The following APOB variants were observed in gnomAD, a reference collection of about 807,000 sequenced individuals.
APOB encodes apolipoprotein B-100.
APOB carries 153 observed loss-of-function variants against 314.1 expected under a neutral mutation model. The observed-to-expected ratio is 0.49, with a 90% CI of 0.43 to 0.56. APOB has a LOEUF of 0.56. Among genes scored for constraint, APOB ranks in the 20% least tolerant of loss-of-function variants. The pLI is 0.00. For synonymous variants in APOB, 2,087 were observed against 2,036.4 expected, an observed-to-expected ratio of 1.02 and a Z score of -0.67; for missense variants, 5,430 against 5,350.7, an observed-to-expected ratio of 1.01 and a Z score of -0.46.
At chr2:21,033,191 C>A in intron 9 of APOB, 108 bp downstream of exon 9, 2 of 825,552 alleles carry the variant, frequency 2.4e-6, no homozygotes, top group Non-Finnish European at 4.1e-6. Context: ...AATTGATTAA[C>A]TGGATTGATA....
rs759890704 is a variant in APOB at position 21,037,171 on chromosome 2, C to G, written c.622G>C (p.Asp208His). ...TTGAAGCGATCACACTGCCCCAGGT[C>G]TCTTTCAGTGGATATTTCTGTTGCC... ...NVATEISTER[D>H]LGQCDRFKPI... The change falls in exon 6 of 29, where the codon GAC (aspartate) becomes CAC (histidine). Residue 208 changes from aspartate to histidine, a missense_variant. By Grantham distance (81) the Asp-to-His change is moderately conservative (BLOSUM62 -1). Around this residue, in one of 3 missense-constraint regions of APOB, gnomAD observed 2,085 missense variants for 2,079.7 expected, o/e 1.00. Transcript: ENST00000233242. 2 of 1,614,242 alleles carry G rather than the reference C, an allele frequency of 1.2e-6. No individual in the cohort carries two copies. Among genetic ancestry groups the G allele is most frequent in the Non-Finnish European group, 1.7e-6 (2 of 1,180,042 alleles).
rs759757854 is a variant in APOB, at chr2:21,007,829, C to T, written c.9039G>A (p.Gly3013=). 6.2e-7 allele frequency: 1 copy of T among 1,614,084 alleles called. No homozygotes were observed. Among genetic ancestry groups the T allele is most frequent in the South Asian group, 1.1e-5 (1 of 91,080 alleles). Residue 3013 remains glycine (G), a synonymous_variant, in exon 26 of 29, where the codon GGG becomes GGA. Transcript: ENST00000233242. ...TAKGMALFGE[G]KAEFTGRHDA... ...CATGCCTCCCAGTAAACTCTGCCTT[C>T]CCTTCTCCAAACAGTGCCATGCCTT...
Position 21,008,505 on chromosome 2 carries a change from C to T in APOB, c.8363G>A (p.Gly2788Asp), listed in dbSNP as rs534116066. ...TTTGGCAGTGATGGAAGCTGCGATA[C>T]CTGCTTCGTTTGCTGAGGTGGTTCC... ...GNGTTSANEA[G>D]IAASITAKGE... Residue 2788 changes from glycine (G) to aspartate (D), a missense_variant, in exon 26 of 29, where the codon GGT becomes GAT. Gly to Asp is a moderately conservative substitution (Grantham distance 94). Transcript: ENST00000233242. 1.9e-6 allele frequency: 3 copies of T among 1,613,948 alleles called. No individual in the cohort carries two copies. The highest frequency in any genetic ancestry group is 2.5e-6 in the Non-Finnish European group (3 of 1,179,974).
In APOB at chr2:21,011,876, G is replaced by C; in HGVS notation, c.4992C>G (p.Leu1664=). ...CATTCAGCTCATTCTCCAGCACCAG[G>C]AGACTACACTTCAAGTTGGTCGTTG... The part of the protein sequence containing the change: ...TSATTNLKCS[L]LVLENELNAE... The change falls in exon 26 of 29, where the codon CTC becomes CTG. Residue 1664 remains leucine (L), a synonymous_variant. Transcript: ENST00000233242. 6.2e-7 allele frequency: 1 copy of C among 1,613,688 alleles called. No homozygotes were observed. The highest frequency in any genetic ancestry group is 8.5e-7 in the Non-Finnish European group (1 of 1,179,946).
rs779298957 is a variant in APOB at position 21,014,530 on chromosome 2, G to C, written c.3760C>G (p.His1254Asp). 2 of 1,614,032 alleles carry C rather than the reference G, an allele frequency of 1.2e-6. No homozygotes were observed. Among genetic ancestry groups the C allele is most frequent in the Non-Finnish European group, 1.7e-6 (2 of 1,179,986 alleles). Residue 1254 changes from histidine to aspartate, a missense_variant, in exon 24 of 29, where the codon CAC becomes GAC. By Grantham distance (81) the His-to-Asp change is moderately conservative (BLOSUM62 -1). This residue lies in a region of APOB where 2,085 missense variants were observed against 2,079.7 expected (regional missense o/e 1.00). Transcript: ENST00000233242. Reference protein sequence around the residue: ...SLPYTQTLQDHLNSLKEFNLQ... With the variant: ...SLPYTQTLQDDLNSLKEFNLQ... ...TTGAACTCCTTCAGGCTATTGAGGT[G>C]GTCTTGCAAAGTCTGGGTATAAGGA...
intron 10 of APOB, 29 bp downstream of exon 10, chr2:21,032,325 A>T: frequency 6.3e-7 from 1 of 1,592,178 alleles, no homozygotes; most frequent in Non-Finnish European, 8.6e-7. Context: ...CTCTGCTCCT[A>T]GGAGGAGAAA....
Position 21,012,667 on chromosome 2 carries a change from A to G in APOB, c.4217-16T>C. The G allele has an allele frequency of 6.2e-7, 1 of 1,607,634 alleles. No homozygotes were observed. Among genetic ancestry groups the G allele is most frequent in the Non-Finnish European group, 8.5e-7 (1 of 1,179,044 alleles). ...TCTCCAGATCCTAACATAAAAATGA[A>G]AAGACATTGGTTAAATTAAGCAGTA... On this transcript the variant is annotated splice_polypyrimidine_tract_variant and intron_variant, in intron 25 of 28. Coordinates refer to ENST00000233242, the MANE Select transcript of APOB (RefSeq NM_000384.3).
chr2:21,036,309 G>A (rs992293606), intron 6 of APOB, among the ~76,000 whole-genome samples: 1 of 152,176 alleles, frequency 6.6e-6, no homozygotes, highest in Non-Finnish European at 1.5e-5. Context: ...GCAAACAGCA[G>A]ATGCTCAGAA....
chr2:21,020,594 G>A (rs188325530), intron 18 of APOB, among the ~76,000 whole-genome samples: 6 of 152,316 alleles, frequency 3.9e-5, no homozygotes, highest in Admixed American at 2.0e-4. Flanking sequence ...AGACTAAGAC[G>A]CTGGAGCCTC....
chr2:21,033,840 A>G (rs1169334675), intron 8 of APOB, among the ~76,000 whole-genome samples: 1 of 152,194 alleles, frequency 6.6e-6, no homozygotes, highest in Non-Finnish European at 1.5e-5. Flanking sequence ...AGACAAAGAG[A>G]TGAGACCCAG....
At position 21,007,593 on chromosome 2, in the gene APOB, C is replaced by T. The variant is rs1458039525; in HGVS notation, c.9275G>A (p.Arg3092Lys). The change falls in exon 26 of 29, where the codon AGG becomes AAG. Residue 3092 changes from arginine to lysine, a missense_variant. Arg to Lys is a conservative substitution (Grantham distance 26). Around this residue, in one of 3 missense-constraint regions of APOB, gnomAD observed 3,281 missense variants for 3,171.0 expected, o/e 1.03. Coordinates refer to ENST00000233242, the MANE Select transcript of APOB (RefSeq NM_000384.3). ...AQQASWQVSA[R>K]FNQYKYNQNF... ...TTGGTTGTACTTATACTGATTGAAC[C>T]TAGCACTTACTTGCCAACTTGCTTG... 1.2e-6 allele frequency: 2 copies of T among 1,614,058 alleles called. No homozygotes were observed. Among genetic ancestry groups the T allele is most frequent in the African/African-American group, 1.3e-5 (1 of 75,046 alleles).
chr2:21,006,808 C>T lies in APOB; in HGVS notation c.10060G>A (p.Ala3354Thr). The T allele has an allele frequency of 2.5e-6, 4 of 1,614,034 alleles. No homozygotes were observed. The African/African-American group carries it at 5.3e-5, about 22-fold the overall frequency. The change falls in exon 26 of 29, where the codon GCT becomes ACT. Residue 3354 changes from alanine to threonine, a missense_variant. Transcript: ENST00000233242. ...KSSVITLNTNAELFNQSDIVA... is the reference protein window; with the variant it reads ...KSSVITLNTNTELFNQSDIVA... ...ATATCTGACTGGTTAAAAAGTTCAG[C>T]ATTGGTATTCAGTGTGATGACACTT...
intron 20 of APOB, 75 bp from the exon 21 acceptor site, chr2:21,016,724 C>T: frequency 1.1e-6 from 1 of 945,218 alleles, no homozygotes; most frequent in Admixed American, 1.7e-5. Context: ...GTGGCTCACA[C>T]CTGTAATCCC....
At chr2:21,015,882 T>C (rs750453483) in intron 21 of APOB, among the ~76,000 whole-genome samples, 2 of 152,198 alleles carry the variant, frequency 1.3e-5, no homozygotes, top group African/African-American at 2.4e-5. Flanking sequence ...TCGCAGTTTA[T>C]TGTGAGGACC....
In APOB at chr2:21,023,036, C is replaced by T. The variant is rs144622446; in HGVS notation, c.2611G>A (p.Ala871Thr). The change falls in exon 18 of 29, where the codon GCT becomes ACT. Residue 871 changes from alanine (A) to threonine (T), a missense_variant. By Grantham distance (58) the Ala-to-Thr change is moderately conservative. Around this residue, in one of 3 missense-constraint regions of APOB, gnomAD observed 2,085 missense variants for 2,079.7 expected, o/e 1.00. Coordinates refer to ENST00000233242, the MANE Select transcript of APOB (RefSeq NM_000384.3). ...GVKLEVANMQ[A>T]ELVAKPSVSV... ...ACGGAGGGTTTTGCCACCAGTTCAG[C>T]CTGCATCTATAAGTCAGAAAACAAC... 264 of 1,613,934 alleles carry T rather than the reference C, an allele frequency of 1.6e-4. No homozygotes were observed. The highest frequency in any genetic ancestry group is 2.1e-4 in the Non-Finnish European group (249 of 1,179,958).
Position 21,016,649 on chromosome 2 carries a change from C to T in APOB, c.3122G>A (p.Gly1041Asp), listed in dbSNP as rs756341086. Reference sequence around the variant, plus strand: ...CATGGTAGCCTCAGTCTGCTTCGCACCTGGACGAGTGTATAAGAGAATCAA... The same window carrying T: ...CATGGTAGCCTCAGTCTGCTTCGCATCTGGACGAGTGTATAAGAGAATCAA... Reference protein sequence around the residue: ...DTLKFVTQAEGAKQTEATMTF... With the variant: ...DTLKFVTQAEDAKQTEATMTF... Residue 1041 changes from glycine to aspartate, a missense_variant and splice_region_variant, in exon 21 of 29, where the codon GGT (glycine) becomes GAT (aspartate). Transcript: ENST00000233242. 13 of 1,587,948 alleles carry T rather than the reference C, an allele frequency of 8.2e-6. No homozygotes were observed. The highest frequency in any genetic ancestry group is 1.1e-5 in the Non-Finnish European group (13 of 1,156,300).
At chr2:21,030,898 T>A (rs952806749) in intron 10 of APOB, among the ~76,000 whole-genome samples, 2 of 151,978 alleles carry the variant, frequency 1.3e-5, no homozygotes, top group African/African-American at 4.8e-5. Flanking sequence ...AAAACCACAA[T>A]GAGATAACAT....
intron 20 of APOB, 36 bp from the exon 21 acceptor site, chr2:21,016,685 G>C: frequency 7.0e-7 from 1 of 1,419,484 alleles, no homozygotes; most frequent in Non-Finnish European, 1.0e-6. Flanking sequence ...GAGATGTGTG[G>C]TAAGAAGCTA....
In APOB at chr2:21,009,003, G is replaced by C. The variant is rs369023672; in HGVS notation, c.7865C>G (p.Thr2622Arg). Residue 2622 changes from threonine to arginine, a missense_variant, in exon 26 of 29, where the codon ACA (threonine) becomes AGA (arginine). Thr to Arg is a moderately conservative substitution (Grantham distance 71, BLOSUM62 -1). Around this residue, in one of 3 missense-constraint regions of APOB, gnomAD observed 3,281 missense variants for 3,171.0 expected, o/e 1.03. Coordinates refer to ENST00000233242, the MANE Select transcript of APOB (RefSeq NM_000384.3). ...FQTPDFIVPL[T>R]DLRIPSVQIN... is the part of the protein sequence containing the mutation. ...CTGAACTGATGGAATCCTCAAATCT[G>C]TTAGGGGGACTATAAAATCAGGTGT... 1 of 1,614,002 alleles carries C rather than the reference G, an allele frequency of 6.2e-7. No individual in the cohort carries two copies. The highest frequency in any genetic ancestry group is 1.1e-5 in the South Asian group (1 of 91,078).
Sources: gnomAD v4.1 joint callset for allele counts (sites outside exome capture counted in the v4.1 genomes callset) on GRCh38, gnomAD v4.1.1 for gene constraint, gnomAD v4.1.1 regional missense constraint, MANE v1.5 for transcripts, NCBI Gene and HGNC (gene_info 2026-07-23, HGNC 2026-07-21) for gene names.